The following KCNK5 variants were observed in gnomAD, a reference collection of about 807,000 sequenced individuals.
KCNK5 encodes potassium channel subfamily K member 5.
Under a neutral mutation model 32.9 loss-of-function variants are expected in KCNK5, and 18 were observed. That is an observed-to-expected ratio of 0.55 (90% CI 0.38 to 0.81). KCNK5 has a LOEUF of 0.81. Ranked by LOEUF, KCNK5 falls within the 30% of genes least tolerant of loss-of-function variation. The pLI is 0.00. For missense variants in KCNK5, 507 were observed against 651.0 expected (o/e 0.78, Z 2.41); for synonymous variants, 276 against 275.3 (o/e 1.00, Z -0.03).
chr6:39,216,902 A>T (rs1158788918), intron 1 of KCNK5, among the ~76,000 whole-genome samples: 2 of 152,012 alleles, frequency 1.3e-5, no homozygotes, highest in Non-Finnish European at 2.9e-5. Context: ...CGGGCAGATC[A>T]CCTGAGGTCA....
intron 1 of KCNK5, among the ~76,000 whole-genome samples, chr6:39,205,032 G>A (rs1419050438): frequency 1.3e-5 from 2 of 152,232 alleles, no homozygotes; most frequent in South Asian, 2.1e-4. Context: ...CTCAGGCTGG[G>A]ACGGTAATCC....
rs1271157954 is a variant in KCNK5, at chr6:39,228,989, C to G, written c.123G>C (p.Gln41His). 2 of 1,614,086 alleles carry G rather than the reference C, an allele frequency of 1.2e-6. No individual in the cohort carries two copies. The highest frequency in any genetic ancestry group is 1.7e-6 in the Non-Finnish European group (2 of 1,180,036). The change falls in exon 1 of 5, where the codon CAG becomes CAC. Residue 41 changes from glutamine (Q) to histidine (H), a missense_variant. By Grantham distance (24) the Gln-to-His change is conservative (BLOSUM62 0). Transcript: ENST00000359534. ...WKEAKKNYYTQKLHLLKEFPC... is the reference protein window; with the variant it reads ...WKEAKKNYYTHKLHLLKEFPC... ...GGAACTCCTTGAGCAGATGCAGCTT[C>G]TGTGTGTAGTAGTTTTTCTTGGCCT...
chr6:39,200,135 C>T (rs564585738), intron 1 of KCNK5, among the ~76,000 whole-genome samples: 3 of 152,332 alleles, frequency 2.0e-5, no homozygotes, highest in Non-Finnish European at 2.9e-5. Context: ...CAAGGCGTCC[C>T]GTCCTCGGGG....
At chr6:39,201,107 G>A (rs1038836232) in intron 1 of KCNK5, among the ~76,000 whole-genome samples, 1 of 152,192 alleles carries the variant, frequency 6.6e-6, no homozygotes, top group Non-Finnish European at 1.5e-5. Context: ...TGCTCTGCAG[G>A]ATACAGCCTT....
Position 39,190,642 on chromosome 6 carries a change from T to G in KCNK5, c.*248A>C. 3.5e-5 allele frequency: 14 copies of G among 397,230 alleles called. No homozygotes were observed. The highest frequency in any genetic ancestry group is 4.1e-5 in the Admixed American group (1 of 24,636). The allele number at this position is 397,230 out of a possible 1,614,324, so 24.6% of individuals were successfully genotyped here. On this transcript the variant is annotated 3_prime_UTR_variant, in exon 5 of 5. Transcript: ENST00000359534. The stretch of plus-strand genomic sequence containing the variant: ...CGCCAGCCAGCATGTCTTTGCATTG[T>G]GAGATACACCAGCCAAGCTCAGGAC...
chr6:39,219,543 A>G (rs1259556778), intron 1 of KCNK5, among the ~76,000 whole-genome samples: 2 of 152,162 alleles, frequency 1.3e-5, no homozygotes, highest in East Asian at 3.9e-4. Context: ...GTTTCAAAAA[A>G]TAATAATAAT....
intron 1 of KCNK5, among the ~76,000 whole-genome samples, chr6:39,227,200 C>T (rs1205202101): frequency 1.3e-5 from 2 of 151,360 alleles, no homozygotes; most frequent in Non-Finnish European, 2.9e-5. Context: ...TCTTTCCTTC[C>T]TTCCCCTGCA....
In KCNK5 at chr6:39,191,758, G is replaced by A; in HGVS notation, c.635-3C>T. ...GTAGTTGGCGCTGGGGTTCACACCTGAGCGGACAGGCAGTCCAGAGGTCAG... is the reference window on the plus strand; with the variant it reads ...GTAGTTGGCGCTGGGGTTCACACCTAAGCGGACAGGCAGTCCAGAGGTCAG... On this transcript the variant is annotated splice_region_variant and splice_polypyrimidine_tract_variant and intron_variant, in intron 4 of 4. Coordinates refer to ENST00000359534, the MANE Select transcript of KCNK5 (RefSeq NM_003740.4). This position sits in a 1 kb window ranked among gnomAD's most constrained non-coding sequence, Gnocchi z 5.8. 2 of 1,608,820 alleles carry A rather than the reference G, an allele frequency of 1.2e-6. No homozygotes were observed. Among genetic ancestry groups the A allele is most frequent in the African/African-American group, 1.3e-5 (1 of 74,886 alleles).
Position 39,190,220 on chromosome 6 carries a change from G to C in KCNK5, c.*670C>G, listed in dbSNP as rs1370054512. 1 of 152,400 alleles carries C rather than the reference G, an allele frequency of 6.6e-6. No individual in the cohort carries two copies. Among genetic ancestry groups the C allele is most frequent in the Middle Eastern group, 3.4e-3 (1 of 296 alleles). The allele number at this position is 152,400 out of a possible 1,614,324, so 9.4% of individuals were successfully genotyped here. On this transcript the variant is annotated 3_prime_UTR_variant, in exon 5 of 5. Coordinates refer to ENST00000359534, the MANE Select transcript of KCNK5 (RefSeq NM_003740.4). ...GGCTGGGCCTGAGTAGACCAACAAG[G>C]AGGATGAGGACCCCAGGCCCCAGGC...
At chr6:39,193,791 G>C (rs1421938364) in intron 4 of KCNK5, among the ~76,000 whole-genome samples, 1 of 152,186 alleles carries the variant, frequency 6.6e-6, no homozygotes, top group Non-Finnish European at 1.5e-5. Context: ...AGGGCGTGGA[G>C]TGGGTGCTGG....
chr6:39,191,502 C>T lies in KCNK5; in HGVS notation c.888G>A (p.Lys296=). 1.2e-6 allele frequency: 2 copies of T among 1,613,844 alleles called. No individual in the cohort carries two copies. Among genetic ancestry groups the T allele is most frequent in the Non-Finnish European group, 8.5e-7 (1 of 1,180,004 alleles). The change falls in exon 5 of 5, where the codon AAG becomes AAA. Residue 296 remains lysine, a synonymous_variant. Coordinates refer to ENST00000359534, the MANE Select transcript of KCNK5 (RefSeq NM_003740.4). The surrounding 1 kb of genome is among the most constrained non-coding windows in gnomAD (Gnocchi z 5.8). The part of the protein sequence containing the change: ...KDVNIFSFLS[K]KEETYNDLIK... ...TGAGGTCGTTGTAGGTCTCTTCCTTCTTGGAAAGAAAGCTGAAGATGTTGA... is the reference window on the plus strand; with the variant it reads ...TGAGGTCGTTGTAGGTCTCTTCCTTTTTGGAAAGAAAGCTGAAGATGTTGA...
chr6:39,212,205 G>T (rs115536967), intron 1 of KCNK5, among the ~76,000 whole-genome samples: 418 of 152,242 alleles, frequency 2.7e-3, no homozygotes, highest in Non-Finnish European at 5.4e-3. Flanking sequence ...CAGGATAATG[G>T]CTTGAACCCA....
At chr6:39,197,992 T>C (rs1375998517) in intron 1 of KCNK5, among the ~76,000 whole-genome samples, 2 of 152,188 alleles carry the variant, frequency 1.3e-5, no homozygotes, top group Non-Finnish European at 2.9e-5. Context: ...ACCTGAACTC[T>C]TGCAAACTTC....
At position 39,229,245 on chromosome 6, in the gene KCNK5, C is replaced by T. The variant is rs374030921; in HGVS notation, c.-134G>A. On this transcript the variant is annotated 5_prime_UTR_variant, in exon 1 of 5. Transcript: ENST00000359534. The stretch of plus-strand genomic sequence containing the variant: ...TGCGCAGTGCCCGGTACTCACCCCC[C>T]GCAAGCACCGCTCCCCGGACAGAGT... 1.5e-5 allele frequency: 13 copies of T among 888,424 alleles called. No homozygotes were observed. The highest frequency in any genetic ancestry group is 3.4e-5 in the South Asian group (2 of 58,106). 55.0% of individuals were successfully genotyped at this position (888,424 alleles called of 1,614,324 possible).
At chr6:39,200,074 C>T (rs1297383749) in intron 1 of KCNK5, among the ~76,000 whole-genome samples, 3 of 152,174 alleles carry the variant, frequency 2.0e-5, no homozygotes, top group African/African-American at 7.2e-5. Context: ...CTAAGGCCAT[C>T]ACTGGGTTAG....
chr6:39,229,262 G>T lies in KCNK5; in HGVS notation c.-151C>A. 1.2e-6 allele frequency: 1 copy of T among 846,538 alleles called. No individual in the cohort carries two copies. The highest frequency in any genetic ancestry group is 1.8e-6 in the Non-Finnish European group (1 of 559,940). The allele number at this position is 846,538 out of a possible 1,614,324, so 52.4% of individuals were successfully genotyped here. ...TCACCCCCCGCAAGCACCGCTCCCC[G>T]GACAGAGTTGCTTGGCCAAGTTGGC... On this transcript the variant is annotated 5_prime_UTR_variant, in exon 1 of 5. Coordinates refer to ENST00000359534, the MANE Select transcript of KCNK5 (RefSeq NM_003740.4).
intron 1 of KCNK5, among the ~76,000 whole-genome samples, chr6:39,201,253 C>CTTTT (rs11291715): frequency 7.1e-6 from 1 of 141,368 alleles, no homozygotes; most frequent in African/African-American, 2.6e-5. Context: ...CTTTTTTCTT[C>CTTTT]TTTTTTTTTT....
intron 1 of KCNK5, among the ~76,000 whole-genome samples, chr6:39,199,257 G>C (rs1328667553): frequency 6.6e-6 from 1 of 152,212 alleles, no homozygotes; most frequent in East Asian, 1.9e-4. Context: ...TTTAGTAAGT[G>C]CTAAGGAGAC....
intron 1 of KCNK5, among the ~76,000 whole-genome samples, chr6:39,214,276 C>G (rs1022699307): frequency 6.6e-6 from 1 of 152,190 alleles, no homozygotes; most frequent in African/African-American, 2.4e-5. Context: ...CAGAGTGATG[C>G]TGACACATGC....
Sources: gnomAD v4.1 joint callset for allele counts (sites outside exome capture counted in the v4.1 genomes callset) on GRCh38, gnomAD v4.1.1 for gene constraint, Gnocchi (gnomAD v3.1) non-coding constraint, MANE v1.5 for transcripts, NCBI Gene and HGNC (gene_info 2026-07-23, HGNC 2026-07-21) for gene names.